STC2: variants seen among roughly 807,000 people sequenced by gnomAD.
STC2 encodes the protein stanniocalcin 2.
STC2 carries 7 observed loss-of-function variants against 22.7 expected under a neutral mutation model. The observed-to-expected ratio is 0.31, with a 90% CI of 0.18 to 0.58. The LOEUF is 0.58. Ranked by LOEUF, STC2 falls within the 20% of genes least tolerant of loss-of-function variation. The pLI, the probability that STC2 is intolerant of heterozygous loss-of-function variation, is 0.89. For missense variants in STC2, 336 were observed against 406.2 expected (o/e 0.83, Z 1.48); for synonymous variants, 158 against 163.4 (o/e 0.97, Z 0.25).
Position 173,315,568 on chromosome 5 carries a change from C to T in STC2, c.*2279G>A, listed in dbSNP as rs1762410647. On this transcript the variant is annotated 3_prime_UTR_variant, in exon 4 of 4. Coordinates refer to ENST00000265087, the MANE Select transcript of STC2 (RefSeq NM_003714.3). ...AGTAGGCGAACACATAAAACATTTA[C>T]ACGGAGGAAAATGGAAATGTGATGC... 1 of 152,220 alleles carries T rather than the reference C, an allele frequency of 6.6e-6. No homozygotes were observed. 9.4% of individuals were successfully genotyped at this position (152,220 alleles called of 1,614,324 possible).
Position 173,328,105 on chromosome 5 carries a change from G to C in STC2, c.89C>G (p.Pro30Arg). The change falls in exon 1 of 4, where the codon CCA becomes CGA. Residue 30 changes from proline (P) to arginine (R), a missense_variant. By Grantham distance (103) the Pro-to-Arg change is moderately radical. This residue lies in a region of STC2 where 99 missense variants were observed against 122.7 expected (regional missense o/e 0.81). Coordinates refer to ENST00000265087, the MANE Select transcript of STC2 (RefSeq NM_003714.3). ...GCTCCTGTCTTGGGGACCCTCGGGT[G>C]GGTTGGTGGCGTCGGTCCCCCGCGC... ...DPARGTDATNPPEGPQDRSSQ... is the reference protein window; with the variant it reads ...DPARGTDATNRPEGPQDRSSQ... 6.2e-7 allele frequency: 1 copy of C among 1,602,706 alleles called. No individual in the cohort carries two copies. The highest frequency in any genetic ancestry group is 8.5e-7 in the Non-Finnish European group (1 of 1,174,720).
chr5:173,326,043 A>G, intron 1 of STC2, 33 bp from the exon 2 acceptor site: 1 of 1,610,814 alleles, frequency 6.2e-7, no homozygotes, highest in Non-Finnish European at 8.5e-7. Flanking sequence ...ATATATACAA[A>G]ACTCTAACCC....
intron 2 of STC2, among the ~76,000 whole-genome samples, chr5:173,324,828 C>T (rs901985963): frequency 1.4e-4 from 22 of 152,234 alleles, no homozygotes; most frequent in East Asian, 3.8e-4. Flanking sequence ...TCCTAATTCC[C>T]GTTAATCCAG....
chr5:173,316,393 A>G lies in STC2; in HGVS notation c.*1454T>C, dbSNP rs1762422384. The G allele has an allele frequency of 6.6e-6, 1 of 151,340 alleles. No individual in the cohort carries two copies. Among genetic ancestry groups the G allele is most frequent in the Non-Finnish European group, 1.5e-5 (1 of 67,908 alleles). The allele number at this position is 151,340 out of a possible 1,614,324, so 9.4% of individuals were successfully genotyped here. A position where few individuals can be genotyped will look rare whatever the true frequency, so the allele number is the denominator to read the frequency against. ...AGAGCCCAGCCCAGAATACCCGGCC[A>G]CTCCCTACAATACCAGCTCCTGCTT... On this transcript the variant is annotated 3_prime_UTR_variant, in exon 4 of 4. Coordinates refer to ENST00000265087, the MANE Select transcript of STC2 (RefSeq NM_003714.3).
chr5:173,322,931 G>C, intron 3 of STC2: 2 of 442,668 alleles, frequency 4.5e-6, no homozygotes, highest in South Asian at 4.8e-5. Context: ...TCTTGGCTAA[G>C]GGGAAGATGA....
chr5:173,320,033 C>G (rs959737860), intron 3 of STC2, among the ~76,000 whole-genome samples: 1 of 152,172 alleles, frequency 6.6e-6, no homozygotes. Flanking sequence ...AAACTGCCTC[C>G]GGAGCTCAAG....
intron 3 of STC2, among the ~76,000 whole-genome samples, chr5:173,322,388 T>A (rs1484080545): frequency 1.3e-5 from 2 of 152,166 alleles, no homozygotes; most frequent in Non-Finnish European, 2.9e-5. Context: ...AAATTTAGGA[T>A]CCTGTGGCTG....
rs1384864215 is a variant in STC2 at position 173,315,315 on chromosome 5, C to T, written c.*2532G>A. On this transcript the variant is annotated 3_prime_UTR_variant, in exon 4 of 4. Coordinates refer to ENST00000265087, the MANE Select transcript of STC2 (RefSeq NM_003714.3). ...CTTCCTCAGTTTTAAGCAGAAGACC[C>T]TGAGCAATAAATACTGTTGCATGCT... 1.3e-5 allele frequency: 2 copies of T among 152,106 alleles called. No homozygotes were observed. The highest frequency in any genetic ancestry group is 2.4e-5 in the African/African-American group (1 of 41,412). The allele number at this position is 152,106 out of a possible 1,614,324, so 9.4% of individuals were successfully genotyped here.
intron 1 of STC2, among the ~76,000 whole-genome samples, chr5:173,327,793 T>C (rs754221931): frequency 6.6e-6 from 1 of 152,214 alleles, no homozygotes; most frequent in Non-Finnish European, 1.5e-5. Flanking sequence ...CCCTCGACCC[T>C]GGGGAGGACA....
In STC2 at chr5:173,316,645, G is replaced by C. The variant is rs1161119755; in HGVS notation, c.*1202C>G. ...AGGATCTGGAAAATCCTGTCCCTTA[G>C]AGATTTTCAGCAGTCTCCTTGATTT... On this transcript the variant is annotated 3_prime_UTR_variant, in exon 4 of 4. Coordinates refer to ENST00000265087, the MANE Select transcript of STC2 (RefSeq NM_003714.3). 4 of 151,992 alleles carry C rather than the reference G, an allele frequency of 2.6e-5. No homozygotes were observed. The highest frequency in any genetic ancestry group is 9.7e-5 in the African/African-American group (4 of 41,370). The allele number at this position is 151,992 out of a possible 1,614,324, so 9.4% of individuals were successfully genotyped here. A position where few individuals can be genotyped will look rare whatever the true frequency, so the allele number is the denominator to read the frequency against.
chr5:173,324,280 C>T (rs1762519897), intron 2 of STC2: 1 of 152,320 alleles, frequency 6.6e-6, no homozygotes, highest in Non-Finnish European at 1.5e-5. Flanking sequence ...CTCGGTGCTG[C>T]TCCCTTATCA....
intron 3 of STC2, among the ~76,000 whole-genome samples, chr5:173,322,164 T>C (rs1762495248): frequency 6.6e-6 from 1 of 152,234 alleles, no homozygotes. Context: ...CATAAAATTA[T>C]ACCGATTTGG....
At position 173,323,317 on chromosome 5, in the gene STC2, C is replaced by T; in HGVS notation, c.408G>A (p.Gln136=). Residue 136 remains glutamine (Q), a synonymous_variant, in exon 3 of 4, where the codon CAG becomes CAA. Transcript: ENST00000265087. This position sits in a 1 kb window ranked among gnomAD's most constrained non-coding sequence, Gnocchi z 5.4. ...PAIREMVSQL[Q]RECYLKHDLC... ...GGTCGTGCTTGAGGTAGCATTCCCG[C>T]TGCAACTGGGACACCATTTCCCTGA... is the stretch of plus-strand genomic sequence containing the variant. 1 of 1,614,234 alleles carries T rather than the reference C, an allele frequency of 6.2e-7. No individual in the cohort carries two copies. The highest frequency in any genetic ancestry group is 2.2e-5 in the East Asian group (1 of 44,872).
intron 1 of STC2, chr5:173,326,564 C>T (rs1357266646): frequency 6.6e-6 from 1 of 152,498 alleles, no homozygotes; most frequent in Admixed American, 6.5e-5. Flanking sequence ...AAGGCAGTGC[C>T]TCCCAACCCT....
intron 3 of STC2, among the ~76,000 whole-genome samples, chr5:173,320,484 G>T (rs998703515): frequency 6.6e-6 from 1 of 152,168 alleles, no homozygotes; most frequent in Non-Finnish European, 1.5e-5. Context: ...AGTCCAGCTC[G>T]TTCAACTGGG....
At position 173,315,666 on chromosome 5, in the gene STC2, C is replaced by T. The variant is rs980846302; in HGVS notation, c.*2181G>A. 1 of 152,228 alleles carries T rather than the reference C, an allele frequency of 6.6e-6. No homozygotes were observed. The highest frequency in any genetic ancestry group is 2.4e-5 in the African/African-American group (1 of 41,452). The allele number at this position is 152,228 out of a possible 1,614,324, so 9.4% of individuals were successfully genotyped here. A position where few individuals can be genotyped will look rare whatever the true frequency, so the allele number is the denominator to read the frequency against. On this transcript the variant is annotated 3_prime_UTR_variant, in exon 4 of 4. Transcript: ENST00000265087. Reference sequence around the variant, plus strand: ...TCAGCAACGCAGGAGAATGTTATTGCTTTAGCTTTTGAGTGATGTCAGTAA... The same window carrying T: ...TCAGCAACGCAGGAGAATGTTATTGTTTTAGCTTTTGAGTGATGTCAGTAA...
Position 173,323,533 on chromosome 5 carries a change from C to T in STC2, c.295-103G>A, listed in dbSNP as rs1762511188. 8.6e-7 allele frequency: 1 copy of T among 1,169,504 alleles called. No homozygotes were observed. The highest frequency in any genetic ancestry group is 1.2e-6 in the Non-Finnish European group (1 of 822,534). The allele number at this position is 1,169,504 out of a possible 1,614,324, so 72.4% of individuals were successfully genotyped here. A position where few individuals can be genotyped will look rare whatever the true frequency, so the allele number is the denominator to read the frequency against. ...CTTCTTGGGCTTACACAGGATATTT[C>T]TGACATCAGAACCCCAAGGCCCCAC... On this transcript the variant is annotated intron_variant, in intron 2 of 3. Transcript: ENST00000265087. This position sits in a 1 kb window ranked among gnomAD's most constrained non-coding sequence, Gnocchi z 5.4.
intron 1 of STC2, among the ~76,000 whole-genome samples, chr5:173,327,509 C>G (rs1047693697): frequency 3.3e-5 from 5 of 152,262 alleles, no homozygotes; most frequent in African/African-American, 1.2e-4. Context: ...CGCTCCCTTC[C>G]GAAAGCAGTG....
chr5:173,327,121 C>A (rs1762557348), intron 1 of STC2, among the ~76,000 whole-genome samples: 1 of 152,188 alleles, frequency 6.6e-6, no homozygotes, highest in African/African-American at 2.4e-5. Context: ...TAAGACCCCA[C>A]GCGCCGCCGG....
Sources: gnomAD v4.1 joint callset for allele counts (sites outside exome capture counted in the v4.1 genomes callset) on GRCh38, gnomAD v4.1.1 for gene constraint, gnomAD v4.1.1 regional missense constraint, Gnocchi (gnomAD v3.1) non-coding constraint, MANE v1.5 for transcripts, NCBI Gene and HGNC (gene_info 2026-07-23, HGNC 2026-07-21) for gene names.